Variants in PLPP1 observed in about 807,000 individuals in gnomAD.
PLPP1 encodes phospholipid phosphatase 1.
PLPP1 carries 24 observed loss-of-function variants against 31.2 expected under a neutral mutation model. That is an observed-to-expected ratio of 0.77 (90% CI 0.56 to 1.08). PLPP1 has a LOEUF of 1.08. Among genes scored for constraint, PLPP1 ranks in the 50% least tolerant of loss-of-function variants. The pLI, the probability that PLPP1 is intolerant of heterozygous loss-of-function variation, is 0.00. For missense variants in PLPP1, 319 were observed against 342.7 expected, an observed-to-expected ratio of 0.93 and a Z score of 0.55; for synonymous variants, 146 against 126.3, an observed-to-expected ratio of 1.16 and a Z score of -1.05.
At chr5:55,496,214 T>C (rs990884261) in intron 1 of PLPP1, among the ~76,000 whole-genome samples, 9 of 152,190 alleles carry the variant, frequency 5.9e-5, no homozygotes, top group African/African-American at 2.2e-4. Context: ...GTGTTAAAGT[T>C]AGTGTTCTAG....
At chr5:55,511,613 T>TG (rs1389443768) in intron 1 of PLPP1, among the ~76,000 whole-genome samples, 2 of 149,888 alleles carry the variant, frequency 1.3e-5, no homozygotes, top group Admixed American at 6.6e-5. Flanking sequence ...TTTTCTTTTC[T>TG]GGGCTCTTCA....
chr5:55,457,479 T>G (rs1752043172), intron 3 of PLPP1, among the ~76,000 whole-genome samples: 1 of 152,182 alleles, frequency 6.6e-6, no homozygotes, highest in African/African-American at 2.4e-5. Context: ...AATAAATATA[T>G]TTCACATTTT....
chr5:55,444,305 T>G (rs1319706669), intron 3 of PLPP1, among the ~76,000 whole-genome samples: 1 of 152,172 alleles, frequency 6.6e-6, no homozygotes, highest in Non-Finnish European at 1.5e-5. Flanking sequence ...GGTCTGGAAC[T>G]CCTGACCTCA....
chr5:55,451,662 G>C (rs945357886), intron 3 of PLPP1, among the ~76,000 whole-genome samples: 3 of 151,920 alleles, frequency 2.0e-5, no homozygotes, highest in Admixed American at 2.0e-4. Context: ...TCCGGGTTCA[G>C]GCAGTTCTCC....
At chr5:55,528,744 T>C (rs1379154281) in intron 1 of PLPP1, among the ~76,000 whole-genome samples, 6 of 152,182 alleles carry the variant, frequency 3.9e-5, no homozygotes, top group African/African-American at 1.4e-4. Context: ...TACCTTTTTA[T>C]ACAATATATG....
intron 4 of PLPP1, among the ~76,000 whole-genome samples, chr5:55,431,775 A>G (rs570119326): frequency 7.3e-4 from 111 of 152,358 alleles, no homozygotes; most frequent in African/African-American, 2.6e-3. Flanking sequence ...ACTTAACAAA[A>G]TGAACTCTTA....
At chr5:55,520,555 G>A (rs528796144) in intron 1 of PLPP1, among the ~76,000 whole-genome samples, 19 of 152,278 alleles carry the variant, frequency 1.2e-4, no homozygotes, top group African/African-American at 4.6e-4. Context: ...ACAGCACTAT[G>A]AGAAAGGCAC....
intron 3 of PLPP1, among the ~76,000 whole-genome samples, chr5:55,458,914 A>AAAAAAAAAAAAAAAC (rs1387046910): frequency 1.3e-4 from 19 of 148,868 alleles, no homozygotes; most frequent in Non-Finnish European, 2.4e-4. Context: ...AAAAAAAAAA[A>AAAAAAAAAAAAAAAC]AACACATAGC....
At chr5:55,454,350 C>A (rs1751959821) in intron 3 of PLPP1, among the ~76,000 whole-genome samples, 1 of 152,162 alleles carries the variant, frequency 6.6e-6, no homozygotes, top group Non-Finnish European at 1.5e-5. Context: ...AAACCTCATT[C>A]TCCCAGAAGA....
At chr5:55,498,705 A>C (rs1433364562) in intron 1 of PLPP1, among the ~76,000 whole-genome samples, 3 of 151,948 alleles carry the variant, frequency 2.0e-5, no homozygotes, top group Non-Finnish European at 4.4e-5. Context: ...GAAGGGACAA[A>C]AAAAAAAAAA....
chr5:55,485,505 A>G (rs1224200731), intron 1 of PLPP1, among the ~76,000 whole-genome samples: 1 of 152,176 alleles, frequency 6.6e-6, no homozygotes, highest in East Asian at 1.9e-4. Context: ...TTAGAAACAG[A>G]CAAAATCCAC....
chr5:55,495,046 G>A lies in PLPP1; in HGVS notation c.59-19596C>T, dbSNP rs192327991. 2.1e-3 allele frequency among the ~76,000 whole-genome samples: 320 copies of A among 150,664 alleles called. 1 individual carries two copies. Among genetic ancestry groups the A allele is most frequent in the South Asian group, 3.4e-3 (16 of 4,760 alleles). ...CTCAGGAGGCTGAGGCAGTAGAATC[G>A]CTTGAACCCGGGAGGCAGAGGTTGT... On this transcript the variant is annotated intron_variant, in intron 1 of 5. Coordinates refer to ENST00000307259, the MANE Select transcript of PLPP1 (RefSeq NM_003711.4).
intron 1 of PLPP1, among the ~76,000 whole-genome samples, chr5:55,520,047 G>T (rs1300973465): frequency 6.6e-6 from 1 of 152,146 alleles, no homozygotes; most frequent in African/African-American, 2.4e-5. Context: ...TCATGTTTTA[G>T]GAGCTGAGGA....
intron 1 of PLPP1, among the ~76,000 whole-genome samples, chr5:55,497,179 C>T (rs953618899): frequency 5.3e-5 from 8 of 152,068 alleles, no homozygotes; most frequent in African/African-American, 1.9e-4. Flanking sequence ...CATAATATGG[C>T]AGCTGCAACG....
At chr5:55,471,792 G>A (rs1257107627) in intron 2 of PLPP1, among the ~76,000 whole-genome samples, 1 of 152,144 alleles carries the variant, frequency 6.6e-6, no homozygotes, top group African/African-American at 2.4e-5. Flanking sequence ...CCTGAAAGAG[G>A]CTGAGTTAAT....
chr5:55,465,909 G>A (rs1752282360), intron 3 of PLPP1, among the ~76,000 whole-genome samples: 1 of 151,948 alleles, frequency 6.6e-6, no homozygotes, highest in African/African-American at 2.4e-5. Flanking sequence ...TCCAATTAAA[G>A]AGGCTTTCCC....
chr5:55,452,588 C>G (rs2111741752), intron 3 of PLPP1, among the ~76,000 whole-genome samples: 1 of 152,284 alleles, frequency 6.6e-6, no homozygotes, highest in South Asian at 2.1e-4. Context: ...GTTTATTCAA[C>G]ACCTTTGCCT....
chr5:55,425,765 C>G, intron 5 of PLPP1, 98 bp downstream of exon 5: 2 of 1,182,824 alleles, frequency 1.7e-6, no homozygotes, highest in Non-Finnish European at 2.3e-6. Context: ...ACTGCATAGT[C>G]TTCTCCTCAG....
chr5:55,504,301 G>T (rs899333895), intron 1 of PLPP1, among the ~76,000 whole-genome samples: 2 of 149,718 alleles, frequency 1.3e-5, no homozygotes, highest in Non-Finnish European at 3.0e-5. Flanking sequence ...GGAGGCGGAG[G>T]TTGCAGTGAG....
Sources: gnomAD v4.1 joint callset for allele counts (sites outside exome capture counted in the v4.1 genomes callset) on GRCh38, gnomAD v4.1.1 for gene constraint, MANE v1.5 for transcripts, NCBI Gene and HGNC (gene_info 2026-07-23, HGNC 2026-07-21) for gene names.